The following STK32C variants were observed in gnomAD, a reference collection of about 807,000 sequenced individuals.
The protein encoded by STK32C is serine/threonine-protein kinase 32C.
A neutral mutation model predicts 56.5 loss-of-function variants in STK32C; 31 were observed. That is an observed-to-expected ratio of 0.55 (90% CI 0.41 to 0.74). STK32C has a LOEUF of 0.74. STK32C is among the 30% of genes least tolerant of loss of function. The probability of loss-of-function intolerance (pLI) is 0.00; values close to 1 mark genes in which losing one functional copy is unlikely to be tolerated. For missense variants in STK32C, 544 were observed against 676.9 expected (o/e 0.80, Z 2.18); for synonymous variants, 309 against 289.4 (o/e 1.07, Z -0.69).
intron 1 of STK32C, among the ~76,000 whole-genome samples, chr10:132,284,583 A>T (rs2065332388): frequency 6.6e-6 from 1 of 152,154 alleles, no homozygotes. Context: ...TCAGACGAAC[A>T]GAGCTGCAGC....
chr10:132,247,063 C>T (rs1431895548), intron 1 of STK32C, among the ~76,000 whole-genome samples: 5 of 152,198 alleles, frequency 3.3e-5, no homozygotes, highest in African/African-American at 4.8e-5. Flanking sequence ...GGAACAACCC[C>T]CTACACACAT....
intron 1 of STK32C, among the ~76,000 whole-genome samples, chr10:132,300,924 C>T (rs1385921455): frequency 2.0e-5 from 3 of 152,172 alleles, no homozygotes; most frequent in South Asian, 2.1e-4. Context: ...TATACACAGA[C>T]AGCAGAGAGG....
chr10:132,256,155 G>C (rs2064114745), intron 1 of STK32C, among the ~76,000 whole-genome samples: 1 of 152,224 alleles, frequency 6.6e-6, no homozygotes, highest in South Asian at 2.1e-4. Flanking sequence ...CTGTGAAACA[G>C]ACACAGCCAG....
At chr10:132,223,019 C>T in intron 8 of STK32C, 33 bp from the exon 9 acceptor site, 1 of 1,538,318 alleles carries the variant, frequency 6.5e-7, no homozygotes, top group Non-Finnish European at 8.7e-7. Context: ...GGGTCCAGGG[C>T]CCACAGCCCA....
At position 132,255,743 on chromosome 10, in the gene STK32C, T is replaced by C. The variant is rs1345245414; in HGVS notation, c.263-9788A>G. On this transcript the variant is annotated intron_variant, in intron 1 of 11. Coordinates refer to ENST00000298630, the MANE Select transcript of STK32C (RefSeq NM_173575.4). The surrounding 1 kb of genome is among the most constrained non-coding windows in gnomAD (Gnocchi z 4.6). ...TCAGGAGAGGGGATGAGGGTGTGGG[T>C]GCCGGCCTCTGACCCTGGACTCCTC... is the stretch of plus-strand genomic sequence containing the variant. Among the ~76,000 whole-genome samples the C allele has an allele frequency of 6.6e-6, 1 of 152,142 alleles. No individual in the cohort carries two copies. Among genetic ancestry groups the C allele is most frequent in the Admixed American group, 6.5e-5 (1 of 15,272 alleles).
exon 2 of STK32C, chr10:132,324,198 C>G: frequency 1.3e-6 from 1 of 778,266 alleles, no homozygotes; most frequent in South Asian, 1.3e-5. Flanking sequence ...ACAAGTTCAC[C>G]ACTTTGGCTC....
intron 1 of STK32C, among the ~76,000 whole-genome samples, chr10:132,303,297 G>A (rs775667239): frequency 3.3e-5 from 5 of 152,190 alleles, no homozygotes; most frequent in East Asian, 1.9e-4. Flanking sequence ...AATTTCCAAC[G>A]CAAAAAGTGA....
chr10:132,225,847 CTG>C, intron 4 of STK32C, 63 bp from the exon 5 acceptor site: 1 of 1,605,606 alleles, frequency 6.2e-7, no homozygotes, highest in Non-Finnish European at 8.5e-7. Flanking sequence ...CCTGGAATCT[CTG>C]TCACAATCCC....
At chr10:132,296,987 C>T (rs755790099) in intron 1 of STK32C, among the ~76,000 whole-genome samples, 1 of 152,222 alleles carries the variant, frequency 6.6e-6, no homozygotes, top group Non-Finnish European at 1.5e-5. Flanking sequence ...GCGGACATCG[C>T]CACAGACAGA....
intron 1 of STK32C, among the ~76,000 whole-genome samples, chr10:132,266,505 G>A (rs933799716): frequency 6.6e-6 from 1 of 152,182 alleles, no homozygotes; most frequent in Non-Finnish European, 1.5e-5. Context: ...CTAGATCAGG[G>A]ACATTCTGTA....
upstream of STK32C, among the ~76,000 whole-genome samples, chr10:132,312,465 T>A (rs2138431047): frequency 6.6e-6 from 1 of 152,296 alleles, no homozygotes; most frequent in South Asian, 2.1e-4. Flanking sequence ...CCCCTTTATC[T>A]GTGTAACTGT....
intron 1 of STK32C, chr10:132,249,038 C>A (rs1335145243): frequency 2.3e-5 from 11 of 473,496 alleles, no homozygotes; most frequent in Non-Finnish European, 4.6e-5. Context: ...ACCTGCAAAG[C>A]CTCCCGACTG....
At chr10:132,304,279 T>C (rs1201710503) in intron 1 of STK32C, among the ~76,000 whole-genome samples, 1 of 151,448 alleles carries the variant, frequency 6.6e-6, no homozygotes, top group East Asian at 1.9e-4. Flanking sequence ...CTGGTAAAAC[T>C]CAAGAGGGGC....
intron 10 of STK32C, among the ~76,000 whole-genome samples, chr10:132,217,170 G>A (rs549842782): frequency 6.6e-6 from 1 of 152,396 alleles, no homozygotes; most frequent in East Asian, 1.9e-4. Context: ...CACAAGGGCA[G>A]AGCTGCCTAA....
At chr10:132,236,651 T>G (rs2063305183) in intron 2 of STK32C, among the ~76,000 whole-genome samples, 1 of 152,172 alleles carries the variant, frequency 6.6e-6, no homozygotes, top group South Asian at 2.1e-4. Flanking sequence ...ACCCTCAACA[T>G]GGTTTCCAGT....
In STK32C at chr10:132,246,218, T is replaced by C. The variant is rs535274535; in HGVS notation, c.263-263A>G. Among the ~76,000 whole-genome samples the C allele has an allele frequency of 4.6e-5, 7 of 152,308 alleles. No individual in the cohort carries two copies. In the East Asian group the frequency reaches 1.4e-3, roughly 29 times the overall value. On this transcript the variant is annotated intron_variant, in intron 1 of 11. Transcript: ENST00000298630. ...ATTAGGCATGTGCTCAGCCACAGCA[T>C]GGATGGGGCAAGAATGAACCACACA...
intron 1 of STK32C, among the ~76,000 whole-genome samples, chr10:132,254,325 C>CA (rs201364437): frequency 2.7e-4 from 41 of 151,418 alleles, no homozygotes; most frequent in East Asian, 5.8e-4. Flanking sequence ...AAAAAAACAA[C>CA]AAAAAAAAAT....
At chr10:132,291,299 C>G (rs1430038942) in intron 1 of STK32C, among the ~76,000 whole-genome samples, 1 of 152,188 alleles carries the variant, frequency 6.6e-6, no homozygotes, top group African/African-American at 2.4e-5. Context: ...CCACACAGGT[C>G]CACAGGAAGG....
intron 4 of STK32C, among the ~76,000 whole-genome samples, chr10:132,226,242 C>T (rs2062884704): frequency 6.6e-6 from 1 of 152,230 alleles, no homozygotes; most frequent in East Asian, 1.9e-4. Context: ...CCAGTCCATT[C>T]GACTTTAAAA....
Sources: allele counts gnomAD v4.1 joint callset (sites outside exome capture counted in the v4.1 genomes callset), GRCh38; gene constraint gnomAD v4.1.1; non-coding constraint Gnocchi (gnomAD v3.1); transcripts MANE v1.5; gene names NCBI Gene and HGNC (gene_info 2026-07-23, HGNC 2026-07-21).